HSPA4L: variants seen among roughly 807,000 people sequenced by gnomAD.
HSPA4L encodes the protein heat shock 70 kDa protein 4L.
HSPA4L carries 48 observed loss-of-function variants against 100.3 expected under a neutral mutation model. The observed-to-expected ratio is 0.48, with a 90% CI of 0.38 to 0.61. The LOEUF is 0.61. HSPA4L is among the 20% of genes least tolerant of loss of function. The pLI is 0.00. For missense variants in HSPA4L, 886 were observed against 988.6 expected (o/e 0.90, Z 1.39); for synonymous variants, 319 against 328.2 (o/e 0.97, Z 0.30).
rs894840344 is a variant in HSPA4L at position 127,782,688 on chromosome 4, C to T, written c.107+31C>T. 4.1e-6 allele frequency: 6 copies of T among 1,479,068 alleles called. No homozygotes were observed. The African/African-American group carries it at 8.4e-5, about 21-fold the overall frequency. The allele number at this position is 1,479,068 out of a possible 1,614,324, so 91.6% of individuals were successfully genotyped here. A position where few individuals can be genotyped will look rare whatever the true frequency, so the allele number is the denominator to read the frequency against. The stretch of plus-strand genomic sequence containing the variant: ...TGCCTCTGCTGAGCATCACCTCGAC[C>T]CTAAGAAACGTTTTTCTCTCCCGTC... On this transcript the variant is annotated intron_variant, in intron 1 of 18. Coordinates refer to ENST00000296464, the MANE Select transcript of HSPA4L (RefSeq NM_014278.4).
At chr4:127,790,464 G>C (rs969436998) in intron 1 of HSPA4L, among the ~76,000 whole-genome samples, 2 of 152,170 alleles carry the variant, frequency 1.3e-5, no homozygotes, top group Non-Finnish European at 2.9e-5. Flanking sequence ...TTGAATCAAG[G>C]AGTTATTTAT....
At chr4:127,810,293 G>A (rs551547397) in intron 11 of HSPA4L, among the ~76,000 whole-genome samples, 1 of 152,224 alleles carries the variant, frequency 6.6e-6, no homozygotes, top group East Asian at 1.9e-4. Context: ...GAAGGGGACA[G>A]CACAAATATT....
In HSPA4L at chr4:127,811,448, A is replaced by T. The variant is rs765299069; in HGVS notation, c.1390A>T (p.Ile464Phe). The part of the protein sequence containing the change: ...YPDARIGSFT[I>F]QNVFPQSDGD... Reference sequence around the variant, plus strand: ...CTTTTTTCCTTAAGGGAGCTTCACTATTCAGAATGTTTTTCCACAGTCTGA... The same window carrying T: ...CTTTTTTCCTTAAGGGAGCTTCACTTTTCAGAATGTTTTTCCACAGTCTGA... The change falls in exon 12 of 19, where the codon ATT becomes TTT. Residue 464 changes from isoleucine to phenylalanine, a missense_variant. Coordinates refer to ENST00000296464, the MANE Select transcript of HSPA4L (RefSeq NM_014278.4). The T allele has an allele frequency of 1.9e-5, 30 of 1,613,596 alleles. No individual in the cohort carries two copies. In the South Asian group the frequency reaches 3.2e-4, roughly 17 times the overall value.
intron 11 of HSPA4L, among the ~76,000 whole-genome samples, chr4:127,811,077 C>G (rs888295554): frequency 6.6e-6 from 1 of 151,708 alleles, no homozygotes; most frequent in Non-Finnish European, 1.5e-5. Flanking sequence ...ATTTTGTTTT[C>G]AAATTCAGAA....
At chr4:127,825,841 G>A (rs975342168) in intron 16 of HSPA4L, among the ~76,000 whole-genome samples, 2 of 150,750 alleles carry the variant, frequency 1.3e-5, no homozygotes, top group Non-Finnish European at 2.9e-5. Context: ...CAGGAGAATC[G>A]CTTGAACCCA....
Position 127,797,208 on chromosome 4 carries a change from A to T in HSPA4L, c.306+1300A>T, listed in dbSNP as rs549643548. Among the ~76,000 whole-genome samples the T allele has an allele frequency of 2.6e-5, 4 of 152,302 alleles. No homozygotes were observed. The East Asian group carries it at 5.8e-4, about 22-fold the overall frequency. ...AAAGTGAGTAGCTGGATGGGTTATG[A>T]TAGTAACAACTGAGATAAAAAATAA... On this transcript the variant is annotated intron_variant, in intron 3 of 18. Coordinates refer to ENST00000296464, the MANE Select transcript of HSPA4L (RefSeq NM_014278.4).
chr4:127,818,218 C>T (rs1187918495), intron 12 of HSPA4L, 107 bp from the exon 13 acceptor site: 6 of 632,704 alleles, frequency 9.5e-6, no homozygotes, highest in Non-Finnish European at 1.3e-5. Flanking sequence ...TTAACTGTTT[C>T]TACATTTTAC....
intron 17 of HSPA4L, among the ~76,000 whole-genome samples, chr4:127,828,021 A>G (rs1195482605): frequency 2.6e-5 from 4 of 152,052 alleles, no homozygotes; most frequent in African/African-American, 9.7e-5. Flanking sequence ...TTTCCTCTAA[A>G]TCAGTAGTTA....
intron 1 of HSPA4L, among the ~76,000 whole-genome samples, chr4:127,790,684 C>A (rs1052482112): frequency 3.9e-5 from 6 of 152,200 alleles, no homozygotes; most frequent in Middle Eastern, 3.2e-3. Flanking sequence ...TGTGACTGTC[C>A]TGTCCCCAAA....
Position 127,838,477 on chromosome 4 carries a change from G to A in HSPA4L, c.*5603G>A, listed in dbSNP as rs1389659859. ...AAATAATGTACATTTGGTTCAGTCT[G>A]TCAGGCAAGTACAAATCCATAACAA... On this transcript the variant is annotated 3_prime_UTR_variant, in exon 19 of 19. Coordinates refer to ENST00000296464, the MANE Select transcript of HSPA4L (RefSeq NM_014278.4). 1 of 152,194 alleles carries A rather than the reference G, an allele frequency of 6.6e-6. No individual in the cohort carries two copies. Among genetic ancestry groups the A allele is most frequent in the Non-Finnish European group, 1.5e-5 (1 of 68,024 alleles). The allele number at this position is 152,194 out of a possible 1,614,324, so 9.4% of individuals were successfully genotyped here. A position where few individuals can be genotyped will look rare whatever the true frequency, so the allele number is the denominator to read the frequency against.
At chr4:127,829,192 C>G (rs1302370719) in intron 17 of HSPA4L, among the ~76,000 whole-genome samples, 2 of 152,020 alleles carry the variant, frequency 1.3e-5, no homozygotes, top group African/African-American at 4.8e-5. Flanking sequence ...GAGAAATGCT[C>G]TAGACAAAGA....
intron 1 of HSPA4L, among the ~76,000 whole-genome samples, chr4:127,788,684 G>C (rs1471779485): frequency 1.3e-5 from 2 of 152,174 alleles, no homozygotes; most frequent in East Asian, 3.8e-4. Context: ...GAGATATTTT[G>C]GGGTATGTCA....
intron 12 of HSPA4L, among the ~76,000 whole-genome samples, chr4:127,817,745 ATATAG>A (rs1458891530): frequency 6.6e-6 from 1 of 152,184 alleles, no homozygotes; most frequent in South Asian, 2.1e-4. Flanking sequence ...CAATTTAAAG[ATATAG>A]TATTGTATTT....
intron 4 of HSPA4L, among the ~76,000 whole-genome samples, chr4:127,799,458 TATTAACCCTAGTTTTA>T (rs1276182116): frequency 6.6e-6 from 1 of 152,170 alleles, no homozygotes; most frequent in Non-Finnish European, 1.5e-5. Flanking sequence ...GTAGGGATAT[TATTAACCCTAGTTTTA>T]CAGATTCAAA....
At chr4:127,814,185 T>C (rs1733614263) in intron 12 of HSPA4L, among the ~76,000 whole-genome samples, 1 of 152,338 alleles carries the variant, frequency 6.6e-6, no homozygotes, top group Non-Finnish European at 1.5e-5. Context: ...CATGGATTTA[T>C]GGCATCTGCT....
intron 17 of HSPA4L, 141 bp downstream of exon 17, chr4:127,827,565 T>A: frequency 8.6e-6 from 5 of 580,324 alleles, no homozygotes; most frequent in Non-Finnish European, 7.9e-6. Flanking sequence ...AACTTAAAAC[T>A]TTTTTTTTTA....
chr4:127,824,736 C>T (rs1217207297), intron 16 of HSPA4L, among the ~76,000 whole-genome samples: 1 of 152,152 alleles, frequency 6.6e-6, no homozygotes, highest in African/African-American at 2.4e-5. Context: ...TTTCACAAAT[C>T]AAGAGACTTG....
chr4:127,825,482 A>G (rs943411362), intron 16 of HSPA4L, among the ~76,000 whole-genome samples: 10 of 152,228 alleles, frequency 6.6e-5, no homozygotes, highest in African/African-American at 2.4e-4. Flanking sequence ...ACTCAACTTA[A>G]AAGTAAAAGA....
chr4:127,814,500 T>A (rs1733621618), intron 12 of HSPA4L, among the ~76,000 whole-genome samples: 1 of 152,160 alleles, frequency 6.6e-6, no homozygotes, highest in African/African-American at 2.4e-5. Flanking sequence ...TAAATTGTAG[T>A]TTATTTCCTT....
Sources: gnomAD v4.1 joint callset for allele counts (sites outside exome capture counted in the v4.1 genomes callset) on GRCh38, gnomAD v4.1.1 for gene constraint, MANE v1.5 for transcripts, NCBI Gene and HGNC (gene_info 2026-07-23, HGNC 2026-07-21) for gene names.